Variants in RNF130 observed in about 807,000 individuals in gnomAD.
RNF130 encodes the protein ring finger protein 130.
Under a neutral mutation model 44.6 loss-of-function variants are expected in RNF130, and 21 were observed. The ratio of observed to expected loss-of-function variants is 0.47; its 90% CI spans 0.33 to 0.68. The LOEUF is 0.68. Ranked by LOEUF, RNF130 falls within the 30% of genes least tolerant of loss-of-function variation. The pLI is 0.02. For missense variants in RNF130, 479 were observed against 560.6 expected, an observed-to-expected ratio of 0.85 and a Z score of 1.47; for synonymous variants, 214 against 210.4, an observed-to-expected ratio of 1.02 and a Z score of -0.15.
At chr5:180,041,594 G>C (rs923168196) in intron 1 of RNF130, among the ~76,000 whole-genome samples, 1 of 152,186 alleles carries the variant, frequency 6.6e-6, no homozygotes, top group African/African-American at 2.4e-5. Flanking sequence ...TCAAATGAGA[G>C]AGAAGGGCAG....
intron 3 of RNF130, among the ~76,000 whole-genome samples, chr5:179,986,356 A>T (rs1310030585): frequency 6.6e-6 from 1 of 152,236 alleles, no homozygotes; most frequent in African/African-American, 2.4e-5. Context: ...TTTTTCTTGT[A>T]ACGTCATGAC....
chr5:179,970,038 C>A (rs912259497), intron 6 of RNF130, among the ~76,000 whole-genome samples: 1 of 152,090 alleles, frequency 6.6e-6, no homozygotes, highest in Non-Finnish European at 1.5e-5. Context: ...TGCCTGTAGT[C>A]CCAGCTACTC....
chr5:179,950,813 C>T (rs1003882100), downstream of RNF130, among the ~76,000 whole-genome samples: 8 of 152,152 alleles, frequency 5.3e-5, no homozygotes, highest in Non-Finnish European at 8.8e-5. Flanking sequence ...TCCTACACCT[C>T]CTGATGTACT....
chr5:180,055,440 T>G (rs201726993), intron 1 of RNF130, among the ~76,000 whole-genome samples: 1 of 150,664 alleles, frequency 6.6e-6, no homozygotes, highest in Non-Finnish European at 1.5e-5. Context: ...TCAGATGACT[T>G]TGTGTGTGTG....
At chr5:180,030,753 G>C (rs1764115052) in intron 2 of RNF130, among the ~76,000 whole-genome samples, 2 of 152,162 alleles carry the variant, frequency 1.3e-5, no homozygotes, top group African/African-American at 4.8e-5. Flanking sequence ...CTGTATGTTT[G>C]ACTTTCTTAG....
intron 5 of RNF130, among the ~76,000 whole-genome samples, chr5:179,973,943 A>T (rs1259656586): frequency 6.6e-6 from 1 of 152,174 alleles, no homozygotes. Context: ...ACATGAAAGG[A>T]ACAAACCCAG....
exon 8 of RNF130, chr5:179,918,878 ACG>A (rs1761588496): frequency 6.6e-6 from 1 of 152,160 alleles, no homozygotes; most frequent in Non-Finnish European, 1.5e-5. Context: ...GGCGTTATTG[ACG>A]CGTTAGGAGA....
intron 3 of RNF130, among the ~76,000 whole-genome samples, chr5:179,985,641 T>A (rs1004418630): frequency 6.6e-6 from 1 of 152,210 alleles, no homozygotes; most frequent in Admixed American, 6.5e-5. Flanking sequence ...GTTCCCACTA[T>A]TCGGTCCTCC....
intron 7 of RNF130, among the ~76,000 whole-genome samples, chr5:179,965,981 G>C (rs912171864): frequency 6.6e-6 from 1 of 152,186 alleles, no homozygotes; most frequent in African/African-American, 2.4e-5. Context: ...AGCAGCAGCA[G>C]GTGCTGGGAA....
At chr5:180,040,685 A>G (rs775196915) in intron 1 of RNF130, 38 bp from the exon 2 acceptor site, 17 of 1,566,826 alleles carry the variant, frequency 1.1e-5, no homozygotes, top group Middle Eastern at 1.7e-4. Flanking sequence ...AAAGATAAAT[A>G]AAACTGACCA....
At chr5:179,933,407 T>TGTGTGTGTGTGTGTGTGC (rs1761840641) in intron 7 of RNF130, among the ~76,000 whole-genome samples, 1 of 151,774 alleles carries the variant, frequency 6.6e-6, no homozygotes, top group African/African-American at 2.4e-5. Flanking sequence ...TTTGTGTGTG[T>TGTGTGTGTGTGTGTGTGC]GTGTGTGTGT....
chr5:180,060,959 C>T (rs1015787267), intron 1 of RNF130, among the ~76,000 whole-genome samples: 1 of 148,292 alleles, frequency 6.7e-6, no homozygotes, highest in Non-Finnish European at 1.5e-5. Context: ...GTCCCAGCTA[C>T]GCGGGAGGCT....
Position 180,027,602 on chromosome 5 carries a change from A to AC in RNF130, c.442+12850dup, listed in dbSNP as rs1764021159. On this transcript the variant is annotated intron_variant, in intron 2 of 8. Coordinates refer to ENST00000521389, the MANE Select transcript of RNF130 (RefSeq NM_018434.6). ...GTGCAGCTCGCTGGACTGAAACAGG[A>AC]CCTTTCTATAACCACTGTCCCTCTC... Among the ~76,000 whole-genome samples, 4 of 152,156 alleles carry AC rather than the reference A, an allele frequency of 2.6e-5. No individual in the cohort carries two copies. The East Asian group carries it at 5.8e-4, about 22-fold the overall frequency.
intron 7 of RNF130, chr5:179,964,453 T>C (rs1381613212): frequency 6.6e-6 from 1 of 152,238 alleles, no homozygotes; most frequent in Admixed American, 6.5e-5. Context: ...TATAAAATAT[T>C]TCTTTGAGTA....
intron 2 of RNF130, among the ~76,000 whole-genome samples, chr5:180,026,756 C>T (rs1414478686): frequency 1.3e-5 from 2 of 152,266 alleles, no homozygotes; most frequent in Non-Finnish European, 2.9e-5. Context: ...GAAAGCTTAA[C>T]AACCAAACTA....
chr5:180,025,234 ACTT>A (rs1763959055), intron 2 of RNF130, among the ~76,000 whole-genome samples: 1 of 152,234 alleles, frequency 6.6e-6, no homozygotes, highest in Non-Finnish European at 1.5e-5. Flanking sequence ...CATCATATGA[ACTT>A]CTATCAGTTA....
intron 3 of RNF130, among the ~76,000 whole-genome samples, chr5:179,995,677 G>T (rs900769329): frequency 6.6e-6 from 1 of 152,170 alleles, no homozygotes; most frequent in Non-Finnish European, 1.5e-5. Context: ...GGAAGCTCAA[G>T]GTGCTCTCCT....
At chr5:179,958,472 C>T (rs912360771) in intron 8 of RNF130, among the ~76,000 whole-genome samples, 2 of 152,096 alleles carry the variant, frequency 1.3e-5, no homozygotes, top group Non-Finnish European at 2.9e-5. Context: ...AAAGAGAACC[C>T]AACAGCTCTC....
intron 7 of RNF130, among the ~76,000 whole-genome samples, chr5:179,926,570 C>T (rs999414392): frequency 8.5e-5 from 13 of 152,078 alleles, no homozygotes; most frequent in African/African-American, 3.1e-4. Flanking sequence ...ATTGCTTGAA[C>T]CAGGGAGGTG....
Sources: gnomAD v4.1 joint callset for allele counts (sites outside exome capture counted in the v4.1 genomes callset) on GRCh38, gnomAD v4.1.1 for gene constraint, MANE v1.5 for transcripts, NCBI Gene and HGNC (gene_info 2026-07-23, HGNC 2026-07-21) for gene names.